The following SYT12 variants were observed in gnomAD, a reference collection of about 807,000 sequenced individuals.
The protein encoded by SYT12 is synaptotagmin-12.
SYT12 carries 27 observed loss-of-function variants against 39.5 expected under a neutral mutation model. The ratio of observed to expected loss-of-function variants is 0.68; its 90% confidence interval spans 0.50 to 0.94. The LOEUF is 0.94. Ranked by LOEUF, SYT12 falls within the 40% of genes least tolerant of loss-of-function variation. SYT12 has a pLI of 0.00. For missense variants in SYT12, 536 were observed against 572.6 expected, an observed-to-expected ratio of 0.94 and a Z score of 0.65; for synonymous variants, 233 against 239.7, an observed-to-expected ratio of 0.97 and a Z score of 0.26.
At chr11:67,019,896 CAAAA>C (rs71461631), upstream of SYT12, among the ~76,000 whole-genome samples, 1 of 116,650 alleles carries the variant, frequency 8.6e-6, no homozygotes, top group East Asian at 2.5e-4. Flanking sequence ...GACCCTGTCT[CAAAA>C]AAAAAAAAAA....
At chr11:67,019,553 A>T (rs1488782031), upstream of SYT12, among the ~76,000 whole-genome samples, 1 of 152,080 alleles carries the variant, frequency 6.6e-6, no homozygotes, top group East Asian at 1.9e-4. Context: ...CGATTCAATT[A>T]TCTCCCACTG....
chr11:67,047,896 T>C (rs1590659700), intron 7 of SYT12, among the ~76,000 whole-genome samples: 1 of 142,552 alleles, frequency 7.0e-6, no homozygotes, highest in Non-Finnish European at 1.5e-5. Flanking sequence ...CACGCCATTC[T>C]CCTGCCTCAG....
Position 67,043,745 on chromosome 11 carries a change from T to C in SYT12, c.729T>C (p.Asp243=), listed in dbSNP as rs773026672. 22 of 1,614,040 alleles carry C rather than the reference T, an allele frequency of 1.4e-5. No homozygotes were observed. The East Asian group carries it at 3.1e-4, about 23-fold the overall frequency. The change falls in exon 5 of 8, where the codon GAT becomes GAC. Residue 243 remains aspartate (D), a synonymous_variant. Transcript: ENST00000527043. ...TGCGGTTTTCTGTATTTGGCATCGA[T>C]GAGGATGAGCGCAACGTCAGCACGG... is the stretch of plus-strand genomic sequence containing the variant. ...KSLRFSVFGI[D]EDERNVSTGV...
At chr11:67,011,530 C>T (rs1950013492) in intron 3 of SYT12, among the ~76,000 whole-genome samples, 1 of 152,194 alleles carries the variant, frequency 6.6e-6, no homozygotes, top group South Asian at 2.1e-4. Flanking sequence ...GCGTGAGCCA[C>T]TGTGCCCGGC....
chr11:67,012,151 A>G (rs1950017677), intron 3 of SYT12, among the ~76,000 whole-genome samples: 1 of 150,962 alleles, frequency 6.6e-6, no homozygotes, highest in Non-Finnish European at 1.5e-5. Context: ...CGGGCGGATC[A>G]CCTGAGGTCA....
At chr11:67,008,098 C>T (rs201853426) in intron 1 of SYT12, among the ~76,000 whole-genome samples, 4 of 151,658 alleles carry the variant, frequency 2.6e-5, no homozygotes, top group Middle Eastern at 3.4e-3. Flanking sequence ...GGACTAGAGG[C>T]GCGTGCCACC....
intron 3 of SYT12, among the ~76,000 whole-genome samples, chr11:67,011,244 T>C (rs950497029): frequency 6.6e-6 from 1 of 152,180 alleles, no homozygotes; most frequent in Non-Finnish European, 1.5e-5. Context: ...TTTGACTTTC[T>C]TTTCTTTTTT....
Position 67,035,800 on chromosome 11 carries a change from TCCTTCCTTCCTTCCTTCCTTCCTTCCTTC to T in SYT12, c.228+964_228+992del, listed in dbSNP as rs1565337253. ...TTTTCTTTTCTTTTCTTTCCTTCCT[TCCTTCCTTCCTTCCTTCCTTCCTTCCTTC>T]CTTCCTTCCTTTCTTTCTTTCTTTC... On this transcript the variant is annotated intron_variant, in intron 3 of 7. Transcript: ENST00000527043. 1.8e-3 allele frequency among the ~76,000 whole-genome samples: 98 copies of T among 53,970 alleles called. 11 individuals are homozygous for T. The highest frequency in any genetic ancestry group is 6.6e-3 in the African/African-American group (87 of 13,138). 35.4% of individuals were successfully genotyped at this position (53,970 alleles called of 152,430 possible).
At chr11:67,025,009 G>A (rs1304873268) in intron 1 of SYT12, among the ~76,000 whole-genome samples, 10 of 152,316 alleles carry the variant, frequency 6.6e-5, no homozygotes, top group Middle Eastern at 3.4e-3. Flanking sequence ...AGCAAAGCTG[G>A]GGGAAGTGGG....
At chr11:67,006,956 C>T (rs1357723070) in exon 1 of SYT12, 1 of 152,262 alleles carries the variant, frequency 6.6e-6, no homozygotes, top group East Asian at 1.9e-4. Context: ...AAAGCCACCT[C>T]TGTTGCTTCA....
chr11:67,044,461 G>T, intron 5 of SYT12, 132 bp from the exon 6 acceptor site: 1 of 1,288,332 alleles, frequency 7.8e-7, no homozygotes, highest in Non-Finnish European at 1.0e-6. Context: ...GAGCCCTGTG[G>T]TAAGGGGCCC....
intron 1 of SYT12, among the ~76,000 whole-genome samples, chr11:67,007,953 A>G (rs961391132): frequency 4.1e-5 from 6 of 146,108 alleles, no homozygotes; most frequent in African/African-American, 1.5e-4. Context: ...AGGAAGCCCT[A>G]ACTTTTTTTT....
intron 4 of SYT12, among the ~76,000 whole-genome samples, chr11:67,042,618 G>A (rs143924953): frequency 6.6e-6 from 1 of 152,204 alleles, no homozygotes; most frequent in Non-Finnish European, 1.5e-5. Flanking sequence ...CACGCTCAGA[G>A]AATGGCTGGT....
chr11:67,030,300 G>A lies in SYT12; in HGVS notation c.34+122G>A, dbSNP rs896853083. The A allele has an allele frequency of 4.2e-6, 5 of 1,181,466 alleles. No homozygotes were observed. In the Admixed American group the frequency reaches 1.1e-4, roughly 25 times the overall value. 73.2% of individuals were successfully genotyped at this position (1,181,466 alleles called of 1,614,324 possible). ...TTGCCATTAATGTCTTCACTGTCAAGGACAGTCAGTGACTTGCCCAAGGTC... is the reference window on the plus strand; with the variant it reads ...TTGCCATTAATGTCTTCACTGTCAAAGACAGTCAGTGACTTGCCCAAGGTC... On this transcript the variant is annotated intron_variant, in intron 2 of 7. Transcript: ENST00000527043.
upstream of SYT12, among the ~76,000 whole-genome samples, chr11:67,019,018 T>A (rs974120238): frequency 1.3e-5 from 2 of 152,054 alleles, no homozygotes; most frequent in Non-Finnish European, 2.9e-5. Context: ...GATAAAGACA[T>A]ACCCAAGACT....
intron 2 of SYT12, among the ~76,000 whole-genome samples, 191 bp from the exon 3 acceptor site, chr11:67,034,454 T>G (rs1950321913): frequency 6.6e-6 from 1 of 152,216 alleles, no homozygotes; most frequent in African/African-American, 2.4e-5. Context: ...AGAAAAAATC[T>G]GAAACCCAAA....
intron 3 of SYT12, among the ~76,000 whole-genome samples, chr11:67,016,509 C>T (rs374692356): frequency 1.7e-4 from 26 of 152,268 alleles, no homozygotes; most frequent in African/African-American, 5.8e-4. Context: ...AATCACTTCT[C>T]GGCCAGTTTA....
chr11:67,042,019 G>A (rs944910196), intron 4 of SYT12, among the ~76,000 whole-genome samples: 1 of 152,206 alleles, frequency 6.6e-6, no homozygotes, highest in Admixed American at 6.5e-5. Flanking sequence ...CAGAGTGCGA[G>A]GAGGGCGTGT....
At chr11:67,044,530 C>G (rs1472843800) in intron 5 of SYT12, 63 bp from the exon 6 acceptor site, 1 of 1,568,912 alleles carries the variant, frequency 6.4e-7, no homozygotes, top group Non-Finnish European at 8.6e-7. Context: ...GCAACCAAGG[C>G]TTTCCCTGGA....
Sources: gnomAD v4.1 joint callset for allele counts (sites outside exome capture counted in the v4.1 genomes callset) on GRCh38, gnomAD v4.1.1 for gene constraint, MANE v1.5 for transcripts, NCBI Gene and HGNC (gene_info 2026-07-23, HGNC 2026-07-21) for gene names.